The following KCNJ6 variants were observed in gnomAD, a reference collection of about 807,000 sequenced individuals.
The protein encoded by KCNJ6 is G protein-activated inward rectifier potassium channel 2.
KCNJ6 carries 9 observed loss-of-function variants against 34.2 expected under a neutral mutation model. That is an observed-to-expected ratio of 0.26 (90% CI 0.16 to 0.46). The LOEUF (loss-of-function observed/expected upper bound fraction) is 0.46. Ranked by LOEUF, KCNJ6 falls within the 20% of genes least tolerant of loss-of-function variation. The pLI, the probability that KCNJ6 is intolerant of heterozygous loss-of-function variation, is 1.00. For missense variants in KCNJ6, 236 were observed against 531.3 expected (o/e 0.44, Z 5.46); for synonymous variants, 196 against 207.1 (o/e 0.95, Z 0.46).
Position 37,673,930 on chromosome 21 carries a change from G to A in KCNJ6, c.946+40281C>T, listed in dbSNP as rs146653658. On this transcript the variant is annotated intron_variant, in intron 3 of 3. Coordinates refer to ENST00000609713, the MANE Select transcript of KCNJ6 (RefSeq NM_002240.5). ...TGGCCAAAGAGCAGGGAGAGCTGAT[G>A]CTGTTCCCTCAGGGTTTACCTGTTT... 3.3e-5 allele frequency among the ~76,000 whole-genome samples: 5 copies of A among 152,282 alleles called. No individual in the cohort carries two copies. In the East Asian group the frequency reaches 7.7e-4, roughly 23 times the overall value.
intron 1 of KCNJ6, among the ~76,000 whole-genome samples, chr21:37,846,909 G>T (rs1197969573): frequency 6.6e-6 from 1 of 152,074 alleles, no homozygotes; most frequent in Non-Finnish European, 1.5e-5. Context: ...CCCTGACACG[G>T]TGCCATGGCA....
intron 3 of KCNJ6, among the ~76,000 whole-genome samples, chr21:37,667,685 C>T (rs71332597): frequency 1.0e-3 from 157 of 151,894 alleles, no homozygotes; most frequent in Non-Finnish European, 1.8e-3. Flanking sequence ...TAGCGGGCTC[C>T]GGGGTCGGCA....
intron 2 of KCNJ6, among the ~76,000 whole-genome samples, chr21:37,756,001 G>C (rs1232143181): frequency 6.6e-6 from 1 of 152,246 alleles, no homozygotes; most frequent in Non-Finnish European, 1.5e-5. Context: ...AACACCAAAT[G>C]GGTTAGCTTC....
At chr21:37,829,967 G>A (rs574626209) in intron 2 of KCNJ6, among the ~76,000 whole-genome samples, 66 of 152,292 alleles carry the variant, frequency 4.3e-4, no homozygotes, top group African/African-American at 1.3e-3. Context: ...TGACACTCTC[G>A]TTCCATGTTC....
At position 37,704,215 on chromosome 21, in the gene KCNJ6, G is replaced by A. The variant is rs77331283; in HGVS notation, c.946+9996C>T. Among the ~76,000 whole-genome samples, 1,332 of 137,326 alleles carry A rather than the reference G, an allele frequency of 9.7e-3. 20 individuals are homozygous for A. Among genetic ancestry groups the A allele is most frequent in the African/African-American group, 0.03 (1,172 of 39,580 alleles). The allele number at this position is 137,326 out of a possible 152,430, so 90.1% of individuals were successfully genotyped here. A position where few individuals can be genotyped will look rare whatever the true frequency, so the allele number is the denominator to read the frequency against. ...AAATCTCTCTTGACCCATCCGTGTC[G>A]GACCTCACGAATCCTTAACATCATC... On this transcript the variant is annotated intron_variant, in intron 3 of 3. Coordinates refer to ENST00000609713, the MANE Select transcript of KCNJ6 (RefSeq NM_002240.5).
In KCNJ6 at chr21:37,621,124, G is replaced by A. The variant is rs1038135358; in HGVS notation, c.*4035C>T. 6.6e-6 allele frequency: 1 copy of A among 152,146 alleles called. No individual in the cohort carries two copies. The highest frequency in any genetic ancestry group is 2.4e-5 in the African/African-American group (1 of 41,444). 9.4% of individuals were successfully genotyped at this position (152,146 alleles called of 1,614,324 possible). On this transcript the variant is annotated 3_prime_UTR_variant, in exon 4 of 4. Transcript: ENST00000609713. Reference sequence around the variant, plus strand: ...CCATTGAAAGGAAATCATCCTTGAAGATAATGTTTACAATATATAGAGGAC... The same window carrying A: ...CCATTGAAAGGAAATCATCCTTGAAAATAATGTTTACAATATATAGAGGAC...
intron 3 of KCNJ6, among the ~76,000 whole-genome samples, chr21:37,663,718 A>C (rs1239870983): frequency 6.6e-6 from 1 of 152,232 alleles, no homozygotes; most frequent in Non-Finnish European, 1.5e-5. Context: ...ATCTAATAAT[A>C]CAGTTTCACA....
Position 37,806,998 on chromosome 21 carries a change from C to A in KCNJ6, c.25+33660G>T, listed in dbSNP as rs115374690. ...ATAACTTTCAATAGGATATGCAAAC[C>A]ATTTTCTTTCTCAGCATCATTTATT... On this transcript the variant is annotated intron_variant, in intron 2 of 3. Transcript: ENST00000609713. Among the ~76,000 whole-genome samples, 1,422 of 152,140 alleles carry A rather than the reference C, an allele frequency of 9.3e-3. 18 individuals are homozygous for A. Among genetic ancestry groups the A allele is most frequent in the African/African-American group, 0.033 (1,360 of 41,490 alleles).
At chr21:37,638,986 A>G (rs1433279432) in intron 3 of KCNJ6, among the ~76,000 whole-genome samples, 1 of 152,244 alleles carries the variant, frequency 6.6e-6, no homozygotes, top group African/African-American at 2.4e-5. Flanking sequence ...CTCACAGCTA[A>G]GGACCAGCAA....
At chr21:37,648,141 C>T (rs564297179) in intron 3 of KCNJ6, among the ~76,000 whole-genome samples, 2 of 151,476 alleles carry the variant, frequency 1.3e-5, no homozygotes, top group East Asian at 3.9e-4. Flanking sequence ...TGAAGCACAG[C>T]TGGTAGGGGT....
At chr21:37,685,505 C>T (rs1402924129) in intron 3 of KCNJ6, among the ~76,000 whole-genome samples, 1 of 36,216 alleles carries the variant, frequency 2.8e-5, no homozygotes, top group Non-Finnish European at 7.6e-5. Flanking sequence ...CATGGTGAAA[C>T]CCCGCCTCTA....
intron 1 of KCNJ6, among the ~76,000 whole-genome samples, chr21:37,863,846 G>GTTTTTTTTGTT (rs2055606833): frequency 1.0e-5 from 1 of 97,042 alleles, no homozygotes; most frequent in African/African-American, 4.3e-5. Context: ...AAATATAAAG[G>GTTTTTTTTGTT]TTTTTTTTTT....
intron 1 of KCNJ6, among the ~76,000 whole-genome samples, chr21:37,865,880 C>T (rs977924628): frequency 3.9e-5 from 6 of 152,296 alleles, no homozygotes; most frequent in East Asian, 1.9e-4. Flanking sequence ...CTCACTCAAC[C>T]GTTGCAGAAC....
rs1471596220 is a variant in KCNJ6, at chr21:37,620,152, A to G, written c.*5007T>C. ...TCTTAAGAGTACAGTACAATATTTC[A>G]TAGTACTTAGTACTCTTACATACTA... On this transcript the variant is annotated 3_prime_UTR_variant, in exon 4 of 4. Transcript: ENST00000609713. 3.9e-5 allele frequency: 6 copies of G among 152,234 alleles called. No homozygotes were observed. The highest frequency in any genetic ancestry group is 7.3e-5 in the Non-Finnish European group (5 of 68,040). 9.4% of individuals were successfully genotyped at this position (152,234 alleles called of 1,614,324 possible).
At chr21:37,900,761 T>C (rs1220790878) in intron 1 of KCNJ6, among the ~76,000 whole-genome samples, 1 of 152,132 alleles carries the variant, frequency 6.6e-6, no homozygotes, top group Non-Finnish European at 1.5e-5. Flanking sequence ...GTATCCATCA[T>C]GTTAGAGAAA....
At chr21:37,742,718 A>G (rs903402491) in intron 2 of KCNJ6, among the ~76,000 whole-genome samples, 5 of 152,176 alleles carry the variant, frequency 3.3e-5, no homozygotes, top group African/African-American at 1.2e-4. Flanking sequence ...TCTTGCCAAC[A>G]TCCACTTCAT....
intron 3 of KCNJ6, among the ~76,000 whole-genome samples, chr21:37,709,322 A>G (rs1366975983): frequency 6.6e-6 from 1 of 151,928 alleles, no homozygotes; most frequent in Non-Finnish European, 1.5e-5. Context: ...GACCAGCCTG[A>G]CCAACACGGA....
At chr21:37,779,489 T>C (rs528929166) in intron 2 of KCNJ6, among the ~76,000 whole-genome samples, 1 of 152,198 alleles carries the variant, frequency 6.6e-6, no homozygotes, top group African/African-American at 2.4e-5. Context: ...ACCTGTCTGA[T>C]TGCATCCATC....
At chr21:37,862,899 G>A (rs548703497) in intron 1 of KCNJ6, among the ~76,000 whole-genome samples, 2 of 152,170 alleles carry the variant, frequency 1.3e-5, no homozygotes, top group East Asian at 1.9e-4. Context: ...AGACCTACAG[G>A]AGAGTAGCCA....
Sources: gnomAD v4.1 joint callset for allele counts (sites outside exome capture counted in the v4.1 genomes callset) on GRCh38, gnomAD v4.1.1 for gene constraint, MANE v1.5 for transcripts, NCBI Gene and HGNC (gene_info 2026-07-23, HGNC 2026-07-21) for gene names.